Variants in KCND2 observed in about 807,000 individuals in gnomAD.
The protein encoded by KCND2 is potassium voltage-gated channel subfamily D member 2.
KCND2 carries 16 observed loss-of-function variants against 54.4 expected under a neutral mutation model. That is an observed-to-expected ratio of 0.29 (90% CI 0.20 to 0.45). The LOEUF (loss-of-function observed/expected upper bound fraction) is 0.45, where lower values mean the gene tolerates loss of function less well. Ranked by LOEUF, KCND2 falls within the 20% of genes least tolerant of loss-of-function variation. KCND2 has a pLI of 1.00. For missense variants in KCND2, 486 were observed against 824.2 expected, an observed-to-expected ratio of 0.59 and a Z score of 5.02; for synonymous variants, 317 against 310.7, an observed-to-expected ratio of 1.02 and a Z score of -0.21.
At chr7:120,585,943 C>T (rs1792594415) in intron 1 of KCND2, among the ~76,000 whole-genome samples, 1 of 152,122 alleles carries the variant, frequency 6.6e-6, no homozygotes, top group Admixed American at 6.5e-5. Context: ...GGAAAATTGG[C>T]AGCTTTTGAA....
At chr7:120,735,206 C>T (rs2116154291) in intron 2 of KCND2, among the ~76,000 whole-genome samples, 1 of 151,966 alleles carries the variant, frequency 6.6e-6, no homozygotes, top group African/African-American at 2.4e-5. Flanking sequence ...GAAAAAGGCA[C>T]CCTCTGGACA....
intron 1 of KCND2, among the ~76,000 whole-genome samples, chr7:120,430,950 A>G (rs1293308182): frequency 6.6e-6 from 1 of 152,216 alleles, no homozygotes; most frequent in Non-Finnish European, 1.5e-5. Context: ...AAATTTCTGT[A>G]CAAATATCTA....
At chr7:120,746,714 A>G (rs1793012401) in intron 5 of KCND2, 1 of 152,412 alleles carries the variant, frequency 6.6e-6, no homozygotes, top group African/African-American at 2.4e-5. Context: ...CATTTAAACA[A>G]TATATGTCAT....
At chr7:120,677,350 A>G (rs1316970232) in intron 1 of KCND2, among the ~76,000 whole-genome samples, 1 of 152,118 alleles carries the variant, frequency 6.6e-6, no homozygotes, top group East Asian at 1.9e-4. Context: ...CAGTAAACCA[A>G]GAAACTGATG....
chr7:120,341,930 G>A (rs566678050), intron 1 of KCND2, among the ~76,000 whole-genome samples: 1 of 152,168 alleles, frequency 6.6e-6, no homozygotes, highest in East Asian at 1.9e-4. Context: ...AGGGATGGGA[G>A]GAAAATCGTA....
intron 1 of KCND2, among the ~76,000 whole-genome samples, chr7:120,708,088 G>A (rs1021250784): frequency 2.6e-5 from 4 of 151,986 alleles, no homozygotes; most frequent in African/African-American, 4.8e-5. Flanking sequence ...TTGTCAGAAA[G>A]GGAAAAACAA....
intron 1 of KCND2, among the ~76,000 whole-genome samples, chr7:120,546,289 G>A (rs373154289): frequency 4.6e-5 from 7 of 151,930 alleles, no homozygotes; most frequent in Admixed American, 2.0e-4. Flanking sequence ...GAGTGGCAAC[G>A]TGGAGATAAT....
intron 1 of KCND2, among the ~76,000 whole-genome samples, chr7:120,527,692 TA>T (rs148811335): frequency 0.02 from 2,995 of 151,762 alleles, 80 homozygotes; most frequent in African/African-American, 0.06. Context: ...TAATTGCCAT[TA>T]AAAAAAACAA....
At chr7:120,645,706 T>C (rs1263811454) in intron 1 of KCND2, among the ~76,000 whole-genome samples, 1 of 152,246 alleles carries the variant, frequency 6.6e-6, no homozygotes, top group Non-Finnish European at 1.5e-5. Context: ...CTGTGTCCCA[T>C]GCCTGGACAC....
chr7:120,319,228 T>G (rs564746701), intron 1 of KCND2, among the ~76,000 whole-genome samples: 5 of 152,220 alleles, frequency 3.3e-5, no homozygotes, highest in African/African-American at 1.2e-4. Context: ...TTATTTCCTC[T>G]AAAGCCTTCT....
intron 1 of KCND2, among the ~76,000 whole-genome samples, chr7:120,519,617 A>G (rs1791663519): frequency 6.6e-6 from 1 of 152,184 alleles, no homozygotes; most frequent in African/African-American, 2.4e-5. Context: ...GAACAGTGAG[A>G]TAATAAATTG....
chr7:120,727,917 C>G (rs1024561377), intron 1 of KCND2, among the ~76,000 whole-genome samples: 1 of 151,920 alleles, frequency 6.6e-6, no homozygotes, highest in Non-Finnish European at 1.5e-5. Flanking sequence ...CGGTGGATCA[C>G]AAAGTCAGGA....
At chr7:120,414,303 T>C (rs1233399251) in intron 1 of KCND2, among the ~76,000 whole-genome samples, 1 of 152,104 alleles carries the variant, frequency 6.6e-6, no homozygotes, top group African/African-American at 2.4e-5. Context: ...TTCACCTGGA[T>C]CAAAAACCAT....
chr7:120,441,078 A>T (rs889303772), intron 1 of KCND2, among the ~76,000 whole-genome samples: 2 of 152,100 alleles, frequency 1.3e-5, no homozygotes, highest in African/African-American at 4.8e-5. Context: ...ATGGAAAAAA[A>T]AAATAAACCA....
chr7:120,563,803 T>G (rs1792264511), intron 1 of KCND2, among the ~76,000 whole-genome samples: 1 of 152,170 alleles, frequency 6.6e-6, no homozygotes, highest in Admixed American at 6.6e-5. Flanking sequence ...TAATGCCTAC[T>G]CTTCTTTCAT....
intron 1 of KCND2, among the ~76,000 whole-genome samples, chr7:120,592,693 A>G (rs1035830821): frequency 1.3e-5 from 2 of 152,212 alleles, no homozygotes; most frequent in African/African-American, 4.8e-5. Flanking sequence ...GCCTTTGTTC[A>G]CAGAGCTCTT....
chr7:120,376,058 A>C (rs1800831818), intron 1 of KCND2, among the ~76,000 whole-genome samples: 1 of 151,816 alleles, frequency 6.6e-6, no homozygotes, highest in Non-Finnish European at 1.5e-5. Flanking sequence ...ATTCATGTTC[A>C]ATATCCTTTG....
intron 1 of KCND2, among the ~76,000 whole-genome samples, chr7:120,293,562 G>A (rs900431117): frequency 3.3e-5 from 5 of 151,806 alleles, no homozygotes; most frequent in Non-Finnish European, 7.4e-5. Context: ...AGAGGAAAAG[G>A]GTCAGACACA....
chr7:120,367,167 T>C (rs148988945), intron 1 of KCND2, among the ~76,000 whole-genome samples: 1 of 152,094 alleles, frequency 6.6e-6, no homozygotes, highest in African/African-American at 2.4e-5. Flanking sequence ...ACAAGAAACC[T>C]GGAATCCATG....
Sources: allele counts gnomAD v4.1 joint callset (sites outside exome capture counted in the v4.1 genomes callset), GRCh38; gene constraint gnomAD v4.1.1; transcripts MANE v1.5; gene names NCBI Gene and HGNC (gene_info 2026-07-23, HGNC 2026-07-21).